TENM2: variants seen among roughly 807,000 people sequenced by gnomAD.
The protein encoded by TENM2 is teneurin-2.
In TENM2, 52 loss-of-function variants were observed where a neutral mutation model predicts 245.2. That is an observed-to-expected ratio of 0.21 (90% CI 0.17 to 0.27). TENM2 has a LOEUF of 0.27. TENM2 is among the 10% of genes least tolerant of loss of function. TENM2 has a pLI of 1.00. For missense variants in TENM2, 3,046 were observed against 3,666.8 expected, an observed-to-expected ratio of 0.83 and a Z score of 4.37; for synonymous variants, 1,363 against 1,438.9, an observed-to-expected ratio of 0.95 and a Z score of 1.19.
chr5:168,063,385 C>T (rs1315582690), intron 7 of TENM2, among the ~76,000 whole-genome samples: 1 of 152,120 alleles, frequency 6.6e-6, no homozygotes, highest in Non-Finnish European at 1.5e-5. Flanking sequence ...TTATACATAA[C>T]ACCTGGGGTA....
intron 2 of TENM2, among the ~76,000 whole-genome samples, chr5:167,720,160 A>G (rs1288292336): frequency 6.6e-6 from 1 of 152,220 alleles, no homozygotes; most frequent in Non-Finnish European, 1.5e-5. Context: ...CAAGTGTTCC[A>G]CAAAACACGG....
At chr5:168,181,062 C>T (rs1397446413) in intron 13 of TENM2, among the ~76,000 whole-genome samples, 1 of 152,216 alleles carries the variant, frequency 6.6e-6, no homozygotes, top group Non-Finnish European at 1.5e-5. Context: ...ATACGGTGCT[C>T]AGAGCAACAA....
At chr5:167,239,010 G>C in the TENM2 span, among the ~76,000 whole-genome samples, 1 of 152,132 alleles carries the variant, frequency 6.6e-6, no homozygotes, top group African/African-American at 2.4e-5. Flanking sequence ...TTCGTAAATA[G>C]AGCAACATTC....
chr5:167,301,115 G>A (rs569397213), intron 1 of TENM2, among the ~76,000 whole-genome samples: 1 of 152,302 alleles, frequency 6.6e-6, no homozygotes, highest in East Asian at 1.9e-4. Context: ...ATCCGTGATG[G>A]CCTAGGGGGC....
intron 1 of TENM2, among the ~76,000 whole-genome samples, chr5:167,334,033 T>G: frequency 6.6e-6 from 1 of 152,360 alleles, no homozygotes; most frequent in Middle Eastern, 3.4e-3. Flanking sequence ...AAGAATACAC[T>G]AATAAATATA....
At chr5:167,324,442 A>G (rs753042390) in intron 1 of TENM2, among the ~76,000 whole-genome samples, 8 of 152,158 alleles carry the variant, frequency 5.3e-5, no homozygotes, top group Non-Finnish European at 1.2e-4. Flanking sequence ...ATTTTTTTTC[A>G]AAATATTTTA....
chr5:167,067,641 A>G, the TENM2 span, among the ~76,000 whole-genome samples: 2 of 152,174 alleles, frequency 1.3e-5, no homozygotes, highest in South Asian at 4.1e-4. Flanking sequence ...TTCTAAGCAT[A>G]TCTTGTCATT....
chr5:167,216,580 T>C, the TENM2 span, among the ~76,000 whole-genome samples: 2 of 152,210 alleles, frequency 1.3e-5, no homozygotes, highest in Non-Finnish European at 2.9e-5. Context: ...ATTCCCGGAA[T>C]GGCTACAGTA....
At chr5:167,515,970 A>C (rs766856709) in intron 2 of TENM2, among the ~76,000 whole-genome samples, 7 of 152,148 alleles carry the variant, frequency 4.6e-5, no homozygotes, top group Non-Finnish European at 1.0e-4. Context: ...ACTCTCTACC[A>C]GTCTTTGCTG....
At chr5:167,637,056 G>A (rs547405487) in intron 2 of TENM2, among the ~76,000 whole-genome samples, 1 of 152,122 alleles carries the variant, frequency 6.6e-6, no homozygotes, top group Non-Finnish European at 1.5e-5. Flanking sequence ...TGTTGCTCAT[G>A]CACGATATGG....
chr5:167,840,093 T>C (rs766096317), intron 2 of TENM2, among the ~76,000 whole-genome samples: 6 of 152,224 alleles, frequency 3.9e-5, no homozygotes, highest in Non-Finnish European at 8.8e-5. Context: ...AGTGCTGGGA[T>C]TACAGGCGTG....
At chr5:168,067,623 T>C (rs1790623239) in intron 7 of TENM2, among the ~76,000 whole-genome samples, 1 of 152,212 alleles carries the variant, frequency 6.6e-6, no homozygotes, top group Non-Finnish European at 1.5e-5. Context: ...TGTCCCCTTC[T>C]TTCTTGCCTA....
At chr5:167,795,185 A>C (rs1482673033) in intron 2 of TENM2, among the ~76,000 whole-genome samples, 1 of 152,126 alleles carries the variant, frequency 6.6e-6, no homozygotes, top group Non-Finnish European at 1.5e-5. Flanking sequence ...CCTCACCCTT[A>C]GGGAGGTGTT....
chr5:168,231,846 A>G (rs1045914459), intron 25 of TENM2, among the ~76,000 whole-genome samples: 4 of 151,976 alleles, frequency 2.6e-5, no homozygotes, highest in African/African-American at 9.7e-5. Context: ...CTATAATCCT[A>G]GCACTTTGGG....
the TENM2 span, among the ~76,000 whole-genome samples, chr5:167,001,875 CTTATT>C: frequency 6.6e-6 from 1 of 151,880 alleles, no homozygotes; most frequent in East Asian, 1.9e-4. Flanking sequence ...TCTCCAAATG[CTTATT>C]TTATTTTGCT....
chr5:168,120,014 A>C (rs764250905), intron 10 of TENM2, among the ~76,000 whole-genome samples: 1 of 152,162 alleles, frequency 6.6e-6, no homozygotes, highest in East Asian at 1.9e-4. Context: ...CAAAATAACC[A>C]ATCATCACAG....
intron 5 of TENM2, among the ~76,000 whole-genome samples, chr5:167,996,674 AC>A (rs1316391116): frequency 1.3e-5 from 2 of 152,084 alleles, no homozygotes; most frequent in Non-Finnish European, 2.9e-5. Flanking sequence ...ACTAGTTAGA[AC>A]CTTCTACCTG....
chr5:167,466,533 G>T (rs1369178705), intron 2 of TENM2, among the ~76,000 whole-genome samples: 1 of 152,154 alleles, frequency 6.6e-6, no homozygotes, highest in African/African-American at 2.4e-5. Flanking sequence ...CATAGTGGCT[G>T]ATATCTTGCA....
chr5:167,622,535 T>G (rs1022841386), intron 2 of TENM2, among the ~76,000 whole-genome samples: 1 of 152,030 alleles, frequency 6.6e-6, no homozygotes, highest in Non-Finnish European at 1.5e-5. Flanking sequence ...AAATGAGCCT[T>G]GGGACCCATC....
Sources: gnomAD v4.1 joint callset for allele counts (sites outside exome capture counted in the v4.1 genomes callset) on GRCh38, gnomAD v4.1.1 for gene constraint, MANE v1.5 for transcripts, NCBI Gene and HGNC (gene_info 2026-07-23, HGNC 2026-07-21) for gene names.